PPM1G: variants seen among roughly 807,000 people sequenced by gnomAD.
PPM1G encodes the protein protein phosphatase, Mg2+/Mn2+ dependent 1G.
Under a neutral mutation model 59.4 loss-of-function variants are expected in PPM1G, and 12 were observed. That is an observed-to-expected ratio of 0.20 (90% CI 0.13 to 0.33). The LOEUF is 0.33. PPM1G is among the 10% of genes least tolerant of loss of function. PPM1G has a pLI of 1.00. For missense variants in PPM1G, 392 were observed against 681.3 expected (o/e 0.58, Z 4.73); for synonymous variants, 245 against 251.9 (o/e 0.97, Z 0.26).
At chr2:27,393,199 G>T in intron 1 of PPM1G, 1 of 1,538,100 alleles carries the variant, frequency 6.5e-7, no homozygotes, top group Non-Finnish European at 8.9e-7. Flanking sequence ...GATTGGTGAA[G>T]AAAGTATTTG....
rs113924415 is a variant in PPM1G at position 27,385,565 on chromosome 2, C to T, written c.409+182G>A. On this transcript the variant is annotated intron_variant, in intron 4 of 9. Transcript: ENST00000344034. This position sits in a 1 kb window ranked among gnomAD's most constrained non-coding sequence, Gnocchi z 4.1. Reference sequence around the variant, plus strand: ...TGCTTACAGCTCAGATGCCACTCAACGAAGATAATTCTCTCCCTCCTTTTC... The same window carrying T: ...TGCTTACAGCTCAGATGCCACTCAATGAAGATAATTCTCTCCCTCCTTTTC... 8.2e-6 allele frequency: 6 copies of T among 733,494 alleles called. No homozygotes were observed. The highest frequency in any genetic ancestry group is 4.4e-5 in the South Asian group (2 of 45,738). The allele number at this position is 733,494 out of a possible 1,614,324, so 45.4% of individuals were successfully genotyped here. A position where few individuals can be genotyped will look rare whatever the true frequency, so the allele number is the denominator to read the frequency against.
intron 1 of PPM1G, among the ~76,000 whole-genome samples, chr2:27,408,291 T>A (rs1663429234): frequency 6.6e-6 from 1 of 152,144 alleles, no homozygotes; most frequent in South Asian, 2.1e-4. Flanking sequence ...ACCCGGTAGG[T>A]GGAGAAACCC....
chr2:27,400,023 C>A (rs912568442), intron 1 of PPM1G, among the ~76,000 whole-genome samples: 1 of 150,420 alleles, frequency 6.6e-6, no homozygotes, highest in East Asian at 1.9e-4. Context: ...TGTGACAAAT[C>A]CATACCATGG....
chr2:27,381,263 G>GATCT lies in PPM1G; in HGVS notation c.*335_*336insAGAT. On this transcript the variant is annotated 3_prime_UTR_variant, in exon 10 of 10. Coordinates refer to ENST00000344034, the MANE Select transcript of PPM1G (RefSeq NM_177983.3). ...AGTGTACAACAGAGAGCGGGTGCAA[G>GATCT]CGGCCGAGGGCCATGGAGCCGCCAA... 2.5e-6 allele frequency: 1 copy of GATCT among 392,918 alleles called. No homozygotes were observed. 24.3% of individuals were successfully genotyped at this position (392,918 alleles called of 1,614,324 possible). A position where few individuals can be genotyped will look rare whatever the true frequency, so the allele number is the denominator to read the frequency against.
At chr2:27,390,661 A>C (rs1387294899) in intron 1 of PPM1G, among the ~76,000 whole-genome samples, 7 of 151,896 alleles carry the variant, frequency 4.6e-5, no homozygotes, top group Non-Finnish European at 1.0e-4. Context: ...TTTATTTTTC[A>C]ATGTTTATTT....
At chr2:27,407,108 G>A (rs368799980) in intron 1 of PPM1G, among the ~76,000 whole-genome samples, 1 of 151,788 alleles carries the variant, frequency 6.6e-6, no homozygotes. Context: ...TATGATTATA[G>A]GCACGCACCA....
rs1683953878 is a variant in PPM1G, at chr2:27,393,034, A to G, written c.121-5876T>C. 21 of 1,408,162 alleles carry G rather than the reference A, an allele frequency of 1.5e-5. No homozygotes were observed. The South Asian group carries it at 2.1e-4, about 14-fold the overall frequency. The allele number at this position is 1,408,162 out of a possible 1,614,324, so 87.2% of individuals were successfully genotyped here. ...TTTTTCCAAATGTAATGCAAAATGC[A>G]CAATTTTTTCCAAATGTAATCCATC... is the stretch of plus-strand genomic sequence containing the variant. On this transcript the variant is annotated intron_variant, in intron 1 of 9. Transcript: ENST00000344034.
rs552560582 is a variant in PPM1G at position 27,401,412 on chromosome 2, A to T, written c.120+7891T>A. The stretch of plus-strand genomic sequence containing the variant: ...ATAGGCAAATTCATAGAGGTCATGT[A>T]AATTAGTGGATGCCAGGGGTTAGTG... On this transcript the variant is annotated intron_variant, in intron 1 of 9. Coordinates refer to ENST00000344034, the MANE Select transcript of PPM1G (RefSeq NM_177983.3). 2.6e-5 allele frequency among the ~76,000 whole-genome samples: 4 copies of T among 152,334 alleles called. No individual in the cohort carries two copies. In the East Asian group the frequency reaches 7.7e-4, roughly 29 times the overall value.
intron 1 of PPM1G, among the ~76,000 whole-genome samples, chr2:27,406,966 C>CT (rs201901048): frequency 0.018 from 2,437 of 137,328 alleles, 42 homozygotes; most frequent in African/African-American, 0.042. Flanking sequence ...TTTATTTATT[C>CT]TTTTTTTTTT....
chr2:27,382,239 G>T lies in PPM1G; in HGVS notation c.1332-11C>A. On this transcript the variant is annotated splice_polypyrimidine_tract_variant and intron_variant, in intron 8 of 9. Transcript: ENST00000344034. This position sits in a 1 kb window ranked among gnomAD's most constrained non-coding sequence, Gnocchi z 4.2. ...CTGCTCATCACATTCCTGGGGTCAAGAACAACAGTCAGAATCTTCCAGTCT... is the reference window on the plus strand; with the variant it reads ...CTGCTCATCACATTCCTGGGGTCAATAACAACAGTCAGAATCTTCCAGTCT... 6.2e-7 allele frequency: 1 copy of T among 1,612,448 alleles called. No individual in the cohort carries two copies. The highest frequency in any genetic ancestry group is 8.5e-7 in the Non-Finnish European group (1 of 1,178,452).
chr2:27,393,299 G>A (rs983177959), intron 1 of PPM1G: 233 of 1,597,884 alleles, frequency 1.5e-4, no homozygotes, highest in Non-Finnish European at 1.9e-4. Flanking sequence ...GGTTGATCTG[G>A]CGGTTGATGG....
In PPM1G at chr2:27,393,336, T is replaced by G. The variant is rs368478941; in HGVS notation, c.121-6178A>C. On this transcript the variant is annotated intron_variant, in intron 1 of 9. Transcript: ENST00000344034. Reference sequence around the variant, plus strand: ...GGCCTCTGAGTCTTGGTGGTAGTTCTGGCGCACCTGCGAGGTAGACGCGGT... The same window carrying G: ...GGCCTCTGAGTCTTGGTGGTAGTTCGGGCGCACCTGCGAGGTAGACGCGGT... 1.7e-4 allele frequency: 264 copies of G among 1,597,370 alleles called. 1 individual carries two copies. The African/African-American group carries it at 3.1e-3, about 19-fold the overall frequency.
At chr2:27,386,110 A>T in intron 3 of PPM1G, 84 bp downstream of exon 3, 1 of 1,358,550 alleles carries the variant, frequency 7.4e-7, no homozygotes. Flanking sequence ...CAGCTAGAGG[A>T]CAAAAAGAAA....
rs865998151 is a variant in PPM1G at position 27,381,614 on chromosome 2, C to T, written c.1626G>A (p.Lys542=). ...EENGNSDKKK[K]AKRD Reference sequence around the variant, plus strand: ...TGGATGACTGCTAGTCTCGCTTGGCCTTCTTCTTCTTGTCGCTGTTGCCAT... The same window carrying T: ...TGGATGACTGCTAGTCTCGCTTGGCTTTCTTCTTCTTGTCGCTGTTGCCAT... The change falls in exon 10 of 10, where the codon AAG becomes AAA. Residue 542 remains lysine, a synonymous_variant. Transcript: ENST00000344034. 3.1e-6 allele frequency: 5 copies of T among 1,611,598 alleles called. No individual in the cohort carries two copies. The Middle Eastern group carries it at 6.6e-4, about 213-fold the overall frequency.
At chr2:27,393,038 T>C in intron 1 of PPM1G, 1 of 1,395,376 alleles carries the variant, frequency 7.2e-7, no homozygotes, top group South Asian at 1.2e-5. Flanking sequence ...AAATGCACAA[T>C]TTTTTCCAAA....
chr2:27,402,510 A>G (rs1684204824), intron 1 of PPM1G, among the ~76,000 whole-genome samples: 1 of 152,186 alleles, frequency 6.6e-6, no homozygotes, highest in Non-Finnish European at 1.5e-5. Flanking sequence ...GGTATAAAAT[A>G]TAAAATAATT....
Position 27,385,009 on chromosome 2 carries a change from G to C in PPM1G, c.489C>G (p.Asn163Lys). 6.2e-7 allele frequency: 1 copy of C among 1,614,142 alleles called. No homozygotes were observed. The highest frequency in any genetic ancestry group is 8.5e-7 in the Non-Finnish European group (1 of 1,180,036). Residue 163 changes from asparagine to lysine, a missense_variant, in exon 5 of 10, where the codon AAC becomes AAG. Coordinates refer to ENST00000344034, the MANE Select transcript of PPM1G (RefSeq NM_177983.3). The surrounding 1 kb of genome is among the most constrained non-coding windows in gnomAD (Gnocchi z 4.1). ...TGCTGTGGGGAGGGCCCTTGTGACA[G>C]TTCTGCCCGTAGCGTGTCAGCAGCT... is the stretch of plus-strand genomic sequence containing the variant. ...IEELLTRYGQ[N>K]CHKGPPHSKS...
chr2:27,395,686 A>T (rs979545343), intron 1 of PPM1G, among the ~76,000 whole-genome samples: 2 of 151,930 alleles, frequency 1.3e-5, no homozygotes, highest in Non-Finnish European at 2.9e-5. Context: ...CTACGAAAAA[A>T]TTTTTTAAAT....
Position 27,385,693 on chromosome 2 carries a change from A to C in PPM1G, c.409+54T>G, listed in dbSNP as rs967512294. ...ATCTTAGAATTGATAAGTAATATTA[A>C]AGAATATTTCTTAAAATGCTGATTT... On this transcript the variant is annotated intron_variant, in intron 4 of 9. Coordinates refer to ENST00000344034, the MANE Select transcript of PPM1G (RefSeq NM_177983.3). This position sits in a 1 kb window ranked among gnomAD's most constrained non-coding sequence, Gnocchi z 4.1. 2.5e-6 allele frequency: 4 copies of C among 1,579,190 alleles called. No individual in the cohort carries two copies.
Sources: gnomAD v4.1 joint callset for allele counts (sites outside exome capture counted in the v4.1 genomes callset) on GRCh38, gnomAD v4.1.1 for gene constraint, Gnocchi (gnomAD v3.1) non-coding constraint, MANE v1.5 for transcripts, NCBI Gene and HGNC (gene_info 2026-07-23, HGNC 2026-07-21) for gene names.